The following CFAP206 variants were observed in gnomAD, a reference collection of about 807,000 sequenced individuals.
CFAP206 encodes the protein cilia- and flagella-associated protein 206.
A neutral mutation model predicts 65.4 loss-of-function variants in CFAP206; 53 were observed. The observed-to-expected ratio is 0.81, with a 90% CI of 0.65 to 1.02. The LOEUF is 1.02. Among genes scored for constraint, CFAP206 ranks in the 50% least tolerant of loss-of-function variants. CFAP206 has a pLI of 0.00. For synonymous variants in CFAP206, 250 were observed against 254.4 expected, an observed-to-expected ratio of 0.98 and a Z score of 0.17; for missense variants, 663 against 753.2, an observed-to-expected ratio of 0.88 and a Z score of 1.40.
At chr6:87,432,708 G>C (rs1768181108) in intron 10 of CFAP206, among the ~76,000 whole-genome samples, 1 of 152,170 alleles carries the variant, frequency 6.6e-6, no homozygotes, top group African/African-American at 2.4e-5. Context: ...AGGTCTGTAT[G>C]GTCCCTTCCA....
At chr6:87,419,321 C>A (rs966572993) in intron 7 of CFAP206, among the ~76,000 whole-genome samples, 2 of 151,984 alleles carry the variant, frequency 1.3e-5, no homozygotes, top group African/African-American at 4.8e-5. Context: ...CAAACAGTAT[C>A]CCTAGAGAGT....
chr6:87,412,752 G>T (rs988020274), intron 3 of CFAP206, among the ~76,000 whole-genome samples: 1 of 151,958 alleles, frequency 6.6e-6, no homozygotes, highest in African/African-American at 2.4e-5. Flanking sequence ...TCCACCTCCC[G>T]GGTTCTCAAG....
Position 87,431,097 on chromosome 6 carries a change from T to C in CFAP206, c.1224T>C (p.Asn408=), listed in dbSNP as rs1409173938. ...GGCTTTTCCCAGAAACAACAGCAAA[T>C]TTTGATAAACTGTTAATTCAATATC... is the stretch of plus-strand genomic sequence containing the variant. ...LEWLFPETTA[N]FDKLLIQYRG... is the part of the protein sequence containing the mutation. Residue 408 remains asparagine, a synonymous_variant, in exon 10 of 13, where the codon AAT becomes AAC. Transcript: ENST00000369562. 1 of 1,613,918 alleles carries C rather than the reference T, an allele frequency of 6.2e-7. No individual in the cohort carries two copies.
chr6:87,441,866 T>C, intron 11 of CFAP206: 1 of 292,752 alleles, frequency 3.4e-6, no homozygotes, highest in South Asian at 3.9e-5. Context: ...CCTAGCAAAC[T>C]TCAACAGGGG....
At position 87,418,110 on chromosome 6, in the gene CFAP206, C is replaced by T. The variant is rs1031839215; in HGVS notation, c.632-98C>T. 10 of 1,076,918 alleles carry T rather than the reference C, an allele frequency of 9.3e-6. No homozygotes were observed. The Admixed American group carries it at 2.3e-4, about 25-fold the overall frequency. The allele number at this position is 1,076,918 out of a possible 1,614,324, so 66.7% of individuals were successfully genotyped here. A position where few individuals can be genotyped will look rare whatever the true frequency, so the allele number is the denominator to read the frequency against. ...TACTAATTTGATTGGGGAGAAAAAC[C>T]CTAACTTAATGTTTAAAATGTAACT... On this transcript the variant is annotated intron_variant, in intron 6 of 12. Coordinates refer to ENST00000369562, the MANE Select transcript of CFAP206 (RefSeq NM_001031743.3).
rs1200630516 is a variant in CFAP206, at chr6:87,464,409, G to A, written c.*159G>A. On this transcript the variant is annotated 3_prime_UTR_variant, in exon 13 of 13. Transcript: ENST00000369562. ...CCCATATTTTATCAAACTGTTTTCT[G>A]TAACACATTTTTCATTCTGTTGAAA... 2 of 464,204 alleles carry A rather than the reference G, an allele frequency of 4.3e-6. No individual in the cohort carries two copies. The highest frequency in any genetic ancestry group is 3.2e-5 in the East Asian group (1 of 31,294). The allele number at this position is 464,204 out of a possible 1,614,324, so 28.8% of individuals were successfully genotyped here.
chr6:87,434,941 A>G lies in CFAP206; in HGVS notation c.1382A>G (p.Glu461Gly). The G allele has an allele frequency of 6.3e-7, 1 of 1,576,658 alleles. No individual in the cohort carries two copies. Among genetic ancestry groups the G allele is most frequent in the Non-Finnish European group, 8.7e-7 (1 of 1,150,158 alleles). Residue 461 changes from glutamate (E) to glycine (G), a missense_variant, in exon 11 of 13, where the codon GAA becomes GGA. Glu to Gly is a moderately conservative substitution (Grantham distance 98). Coordinates refer to ENST00000369562, the MANE Select transcript of CFAP206 (RefSeq NM_001031743.3). ...AAAGATGCTGCATATTCATTTGCAG[A>G]AAATCCTGAACATTATATTGACATA... ...NSKDAAYSFA[E>G]NPEHYIDIVR...
chr6:87,448,057 C>T (rs1227869869), intron 11 of CFAP206, among the ~76,000 whole-genome samples: 1 of 151,610 alleles, frequency 6.6e-6, no homozygotes, highest in Non-Finnish European at 1.5e-5. Flanking sequence ...CTGCACCTAT[C>T]AATCTGTTAT....
chr6:87,415,574 A>T, intron 4 of CFAP206, 112 bp from the exon 5 acceptor site: 1 of 953,532 alleles, frequency 1.0e-6, no homozygotes, highest in Non-Finnish European at 1.7e-6. Flanking sequence ...TTAAGAAATT[A>T]CTTGTTTTCC....
intron 7 of CFAP206, among the ~76,000 whole-genome samples, chr6:87,426,305 A>G (rs940297700): frequency 2.1e-4 from 32 of 152,184 alleles, no homozygotes; most frequent in African/African-American, 7.7e-4. Flanking sequence ...GAAAAATTAT[A>G]CCTATTGTAT....
Position 87,428,606 on chromosome 6 carries a change from A to AT in CFAP206, c.961-12dup, listed in dbSNP as rs1395593030. The AT allele has an allele frequency of 1.1e-5, 18 of 1,601,878 alleles. No individual in the cohort carries two copies. The highest frequency in any genetic ancestry group is 2.2e-5 in the South Asian group (2 of 90,796). On this transcript the variant is annotated intron_variant, in intron 8 of 12. Coordinates refer to ENST00000369562, the MANE Select transcript of CFAP206 (RefSeq NM_001031743.3). ...TTTATTACACAGTTGCATTTTGAAT[A>AT]TTTTTTTTCTCTTCCTCAGCCTATC...
intron 11 of CFAP206, among the ~76,000 whole-genome samples, chr6:87,437,825 ATTTTTT>A (rs1206669821): frequency 9.6e-6 from 1 of 104,494 alleles, no homozygotes. Flanking sequence ...TGCCTGGCTA[ATTTTTT>A]TTTTTTTTTT....
chr6:87,437,416 AT>A (rs1037100398), intron 11 of CFAP206, among the ~76,000 whole-genome samples: 2 of 150,814 alleles, frequency 1.3e-5, no homozygotes, highest in African/African-American at 4.9e-5. Flanking sequence ...TAAGTTGTTG[AT>A]TGGCAGTTCC....
At chr6:87,430,032 G>C (rs1365750036) in intron 9 of CFAP206, among the ~76,000 whole-genome samples, 1 of 152,130 alleles carries the variant, frequency 6.6e-6, no homozygotes, top group Non-Finnish European at 1.5e-5. Context: ...CTTAGATTTA[G>C]ATGTGTCATT....
chr6:87,415,921 C>A lies in CFAP206; in HGVS notation c.472+47C>A. On this transcript the variant is annotated intron_variant, in intron 5 of 12. Coordinates refer to ENST00000369562, the MANE Select transcript of CFAP206 (RefSeq NM_001031743.3). ...CATTTCATAAGTGAAAATATATGGT[C>A]ATTGTATTTTATAAAACATGTTAAA... 5 of 1,276,808 alleles carry A rather than the reference C, an allele frequency of 3.9e-6. No homozygotes were observed. The South Asian group carries it at 9.0e-5, about 23-fold the overall frequency. 79.1% of individuals were successfully genotyped at this position (1,276,808 alleles called of 1,614,324 possible).
Position 87,464,057 on chromosome 6 carries a change from C to T in CFAP206, c.1676C>T (p.Thr559Ile), listed in dbSNP as rs561049315. 2 of 1,614,038 alleles carry T rather than the reference C, an allele frequency of 1.2e-6. No homozygotes were observed. Among genetic ancestry groups the T allele is most frequent in the East Asian group, 4.5e-5 (2 of 44,884 alleles). Reference sequence around the variant, plus strand: ...CAGAAAGTTACTCACTCAGTACAAACTGATCTTAGTCACTTGAGAAGAGAA... The same window carrying T: ...CAGAAAGTTACTCACTCAGTACAAATTGATCTTAGTCACTTGAGAAGAGAA... ...LRQKVTHSVQ[T>I]DLSHLRRENC... is the part of the protein sequence containing the mutation. The change falls in exon 13 of 13, where the codon ACT becomes ATT. Residue 559 changes from threonine (T) to isoleucine (I), a missense_variant. Physicochemically the swap from Thr to Ile is moderately conservative, Grantham distance 89. Transcript: ENST00000369562.
rs181323035 is a variant in CFAP206 at position 87,430,914 on chromosome 6, C to T, written c.1160-119C>T. 2,863 of 908,616 alleles carry T rather than the reference C, an allele frequency of 3.2e-3. 12 individuals carry two copies. The highest frequency in any genetic ancestry group is 3.2e-3 in the Non-Finnish European group (1,938 of 612,752). 56.3% of individuals were successfully genotyped at this position (908,616 alleles called of 1,614,324 possible). A position where few individuals can be genotyped will look rare whatever the true frequency, so the allele number is the denominator to read the frequency against. On this transcript the variant is annotated intron_variant, in intron 9 of 12. Coordinates refer to ENST00000369562, the MANE Select transcript of CFAP206 (RefSeq NM_001031743.3). ...GGTTTTGTGAATATCAAGTTTTTGCCCATCGGGAAAAGTACAAAGCAATAA... is the reference window on the plus strand; with the variant it reads ...GGTTTTGTGAATATCAAGTTTTTGCTCATCGGGAAAAGTACAAAGCAATAA...
intron 11 of CFAP206, among the ~76,000 whole-genome samples, chr6:87,446,210 G>C (rs1768438680): frequency 6.6e-6 from 1 of 152,150 alleles, no homozygotes; most frequent in African/African-American, 2.4e-5. Context: ...AGTTTAATTA[G>C]ATCCCATTCA....
chr6:87,457,912 A>G (rs1416162951), intron 11 of CFAP206, among the ~76,000 whole-genome samples: 1 of 152,238 alleles, frequency 6.6e-6, no homozygotes, highest in Non-Finnish European at 1.5e-5. Flanking sequence ...ATATTTGCAA[A>G]CTATCCATCT....
Sources: gnomAD v4.1 joint callset for allele counts (sites outside exome capture counted in the v4.1 genomes callset) on GRCh38, gnomAD v4.1.1 for gene constraint, MANE v1.5 for transcripts, NCBI Gene and HGNC (gene_info 2026-07-23, HGNC 2026-07-21) for gene names.